DNAH2: variants seen among roughly 807,000 people sequenced by gnomAD.
DNAH2 encodes the protein dynein axonemal heavy chain 2, also known as axonemal beta dynein heavy chain 2.
In DNAH2, 323 loss-of-function variants were observed where a neutral mutation model predicts 523.5. The ratio of observed to expected loss-of-function variants is 0.62; its 90% CI spans 0.56 to 0.68. The LOEUF is 0.68. Ranked by LOEUF, DNAH2 falls within the 30% of genes least tolerant of loss-of-function variation. The probability of loss-of-function intolerance (pLI) is 0.00; values close to 1 mark genes in which losing one functional copy is unlikely to be tolerated. For missense variants in DNAH2, 4,907 were observed against 5,701.5 expected (o/e 0.86, Z 4.49); for synonymous variants, 2,093 against 2,177.4 (o/e 0.96, Z 1.08).
At chr17:7,830,972 T>C in intron 79 of DNAH2, 114 bp from the exon 80 acceptor site, 1 of 1,510,172 alleles carries the variant, frequency 6.6e-7, no homozygotes, top group Non-Finnish European at 9.0e-7. Context: ...GGGATTGAGA[T>C]GGGGAGCAGG....
intron 22 of DNAH2, among the ~76,000 whole-genome samples, 157 bp from the exon 23 acceptor site, chr17:7,767,743 T>C (rs1333270990): frequency 6.6e-6 from 1 of 152,066 alleles, no homozygotes; most frequent in Admixed American, 6.6e-5. Flanking sequence ...GATAAGCTCT[T>C]AAGGCAACAG....
At chr17:7,741,236 C>T (rs79548962) in intron 11 of DNAH2, among the ~76,000 whole-genome samples, 4,991 of 84,744 alleles carry the variant, frequency 0.059, 232 homozygotes, top group East Asian at 0.15. Context: ...TTTTCTCTCT[C>T]TCTTTCTTTC....
chr17:7,774,458 C>G (rs969010017), intron 28 of DNAH2, among the ~76,000 whole-genome samples: 2 of 152,146 alleles, frequency 1.3e-5, no homozygotes, highest in African/African-American at 4.8e-5. Flanking sequence ...CAGGTAGTTG[C>G]AACCATGGGA....
intron 18 of DNAH2, among the ~76,000 whole-genome samples, chr17:7,763,303 C>T (rs1040730567): frequency 1.1e-4 from 16 of 152,164 alleles, no homozygotes; most frequent in African/African-American, 3.1e-4. Context: ...GGACTACAGG[C>T]GCCTGCCACC....
rs1336084996 is a variant in DNAH2, at chr17:7,759,084, T to C, written c.2408T>C (p.Met803Thr). Residue 803 changes from methionine to threonine, a missense_variant, in exon 15 of 86, where the codon ATG becomes ACG. Physicochemically the swap from Met to Thr is moderately conservative, Grantham distance 81 (BLOSUM62 -1). Coordinates refer to ENST00000572933, the MANE Select transcript of DNAH2 (RefSeq NM_020877.5). ...MNLHQDVVTI[M>T]TNSYEVFKND... ...CTGCACCAGGATGTGGTGACCATCATGACCAACTCCTATGAGGTCTTCAAG... is the reference window on the plus strand; with the variant it reads ...CTGCACCAGGATGTGGTGACCATCACGACCAACTCCTATGAGGTCTTCAAG... 1.2e-6 allele frequency: 2 copies of C among 1,614,208 alleles called. No homozygotes were observed. Among genetic ancestry groups the C allele is most frequent in the East Asian group, 4.5e-5 (2 of 44,882 alleles).
chr17:7,761,538 C>A (rs1332340760), intron 18 of DNAH2, among the ~76,000 whole-genome samples: 2 of 149,896 alleles, frequency 1.3e-5, no homozygotes, highest in African/African-American at 4.9e-5. Context: ...GAGTCTCACT[C>A]TGTCATCCAC....
chr17:7,801,362 C>T (rs746056672), intron 56 of DNAH2, among the ~76,000 whole-genome samples: 1 of 152,122 alleles, frequency 6.6e-6, no homozygotes, highest in Middle Eastern at 3.2e-3. Context: ...ATCCACACCT[C>T]GAAAGTGTAG....
Position 7,817,975 on chromosome 17 carries a change from C to G in DNAH2, c.10266C>G (p.Ser3422Arg). The change falls in exon 68 of 86, where the codon AGC (serine) becomes AGG (arginine). Residue 3422 changes from serine to arginine, a missense_variant. By Grantham distance (110) the Ser-to-Arg change is moderately radical (BLOSUM62 -1). This residue lies in a region of DNAH2 where 1,851 missense variants were observed against 2,139.4 expected (regional missense o/e 0.87). Transcript: ENST00000572933. ...TGAAGATCATCGACCTGCAGATGAG[C>G]GATTACCTGCGAATCCTAGAACACG... is the stretch of plus-strand genomic sequence containing the variant. ...QGLKIIDLQMSDYLRILEHAI... is the reference protein window; with the variant it reads ...QGLKIIDLQMRDYLRILEHAI... The G allele has an allele frequency of 6.2e-7, 1 of 1,614,060 alleles. No individual in the cohort carries two copies. The highest frequency in any genetic ancestry group is 8.5e-7 in the Non-Finnish European group (1 of 1,180,008).
rs367867896 is a variant in DNAH2 at position 7,823,642 on chromosome 17, G to A, written c.11329+14G>A. ...CGATGCTGCCAGGTACCAGGCGTCT[G>A]TGTCCCACTCTCACTTTTCTCCTTC... On this transcript the variant is annotated intron_variant, in intron 74 of 85. Coordinates refer to ENST00000572933, the MANE Select transcript of DNAH2 (RefSeq NM_020877.5). 2.3e-5 allele frequency: 37 copies of A among 1,612,050 alleles called. No homozygotes were observed. The highest frequency in any genetic ancestry group is 3.1e-5 in the Non-Finnish European group (36 of 1,179,086).
intron 65 of DNAH2, 27 bp downstream of exon 65, chr17:7,817,442 T>C (rs756719941): frequency 1.2e-6 from 2 of 1,613,648 alleles, no homozygotes; most frequent in Non-Finnish European, 1.7e-6. Flanking sequence ...GCATGACAAG[T>C]AGGCTCCGAG....
At chr17:7,820,397 C>A (rs760550197) in intron 72 of DNAH2, among the ~76,000 whole-genome samples, 6 of 152,192 alleles carry the variant, frequency 3.9e-5, no homozygotes, top group African/African-American at 1.4e-4. Flanking sequence ...CTGTGGCCCA[C>A]GAAAGCCCTC....
rs1000324888 is a variant in DNAH2, at chr17:7,763,879, C to T, written c.3027C>T (p.Asn1009=). The change falls in exon 19 of 86, where the codon AAC becomes AAT. Residue 1009 remains asparagine (N), a synonymous_variant. Transcript: ENST00000572933. Reference sequence around the variant, plus strand: ...TGCAGAAGGAGGAGACAGTCACCAACATCCAGTTTGTGCTGCTGGACTGTT... The same window carrying T: ...TGCAGAAGGAGGAGACAGTCACCAATATCCAGTTTGTGCTGCTGGACTGTT... ...NNVQKEETVT[N]IQFVLLDCSH... 9 of 1,614,106 alleles carry T rather than the reference C, an allele frequency of 5.6e-6. No individual in the cohort carries two copies. The African/African-American group carries it at 1.2e-4, about 22-fold the overall frequency.
At position 7,777,638 on chromosome 17, in the gene DNAH2, C is replaced by T; in HGVS notation, c.5247+4C>T. On this transcript the variant is annotated splice_donor_region_variant and intron_variant, in intron 33 of 85. Transcript: ENST00000572933. ...ACTTCGGTTCTACTGGGAGAAGGTG[C>T]CAGATGGGCCACCTCCCCACTCTCT... is the stretch of plus-strand genomic sequence containing the variant. 1 of 1,613,704 alleles carries T rather than the reference C, an allele frequency of 6.2e-7. No homozygotes were observed. Among genetic ancestry groups the T allele is most frequent in the Non-Finnish European group, 8.5e-7 (1 of 1,179,686 alleles).
At chr17:7,745,988 C>G (rs887439425) in intron 12 of DNAH2, among the ~76,000 whole-genome samples, 1 of 152,042 alleles carries the variant, frequency 6.6e-6, no homozygotes, top group African/African-American at 2.4e-5. Context: ...TTCTCTGAGC[C>G]TGAGTTTCCT....
In DNAH2 at chr17:7,817,808, C is replaced by A. The variant is rs2151324152; in HGVS notation, c.10188C>A (p.Asp3396Glu). ...TRGNRWALMI[D>E]PQAQALKWIK... ...CTTCCAGGTGGGCACTGATGATCGA[C>A]CCTCAGGCCCAGGCCCTGAAATGGA... is the stretch of plus-strand genomic sequence containing the variant. Residue 3396 changes from aspartate (D) to glutamate (E), a missense_variant, in exon 67 of 86, where the codon GAC becomes GAA. Around this residue, in one of 3 missense-constraint regions of DNAH2, gnomAD observed 1,851 missense variants for 2,139.4 expected, o/e 0.87. Coordinates refer to ENST00000572933, the MANE Select transcript of DNAH2 (RefSeq NM_020877.5). 2 of 1,614,078 alleles carry A rather than the reference C, an allele frequency of 1.2e-6. No homozygotes were observed. The highest frequency in any genetic ancestry group is 1.7e-6 in the Non-Finnish European group (2 of 1,180,012).
At chr17:7,728,450 T>C (rs925017787) in intron 4 of DNAH2, among the ~76,000 whole-genome samples, 2 of 152,314 alleles carry the variant, frequency 1.3e-5, no homozygotes, top group African/African-American at 4.8e-5. Context: ...GCGTTGAACA[T>C]GGGCAGAAGA....
Position 7,734,665 on chromosome 17 carries a change from C to A in DNAH2, c.935C>A (p.Ser312Ter). The change falls in exon 7 of 86, where the codon TCG becomes TAG. Residue 312 changes from serine (S) to a stop codon, truncating the protein, a stop_gained. Transcript: ENST00000572933. LOFTEE classifies it high-confidence loss of function. Reference sequence around the variant, plus strand: ...GAATCCATCCTGCACCTTGCCAAGTCGTCCTACTTGGCGCCCTTTATGAAA... The same window carrying A: ...GAATCCATCCTGCACCTTGCCAAGTAGTCCTACTTGGCGCCCTTTATGAAA... ...HVESILHLAK[S>*]SYLAPFMKLA... The A allele has an allele frequency of 6.2e-7, 1 of 1,612,820 alleles. No homozygotes were observed. Among genetic ancestry groups the A allele is most frequent in the South Asian group, 1.1e-5 (1 of 90,858 alleles).
chr17:7,793,259 C>A, intron 48 of DNAH2, 54 bp downstream of exon 48: 1 of 1,569,178 alleles, frequency 6.4e-7, no homozygotes, highest in South Asian at 1.2e-5. Flanking sequence ...GGGATAGGCT[C>A]AGTCCCCACT....
intron 18 of DNAH2, 74 bp from the exon 19 acceptor site, chr17:7,763,757 T>C: frequency 6.4e-7 from 1 of 1,573,926 alleles, no homozygotes; most frequent in African/African-American, 1.3e-5. Context: ...AAATGAGACC[T>C]GCAGCCCGTG....
Sources: allele counts gnomAD v4.1 joint callset (sites outside exome capture counted in the v4.1 genomes callset), GRCh38; gene constraint gnomAD v4.1.1; regional missense constraint gnomAD v4.1.1; transcripts MANE v1.5; gene names NCBI Gene and HGNC (gene_info 2026-07-23, HGNC 2026-07-21).